STK3: variants seen among roughly 807,000 people sequenced by gnomAD.
STK3 encodes serine/threonine-protein kinase 3.
In STK3, 41 loss-of-function variants were observed where a neutral mutation model predicts 58.0. That is an observed-to-expected ratio of 0.71 (90% confidence interval 0.55 to 0.92). The LOEUF (loss-of-function observed/expected upper bound fraction) is 0.92, where lower values mean the gene tolerates loss of function less well. Among genes scored for constraint, STK3 ranks in the 40% least tolerant of loss-of-function variants. The probability of loss-of-function intolerance (pLI) is 0.00; values close to 1 mark genes in which losing one functional copy is unlikely to be tolerated. For synonymous variants in STK3, 170 were observed against 191.0 expected (o/e 0.89, Z 0.91); for missense variants, 479 against 602.7 (o/e 0.79, Z 2.15).
At chr8:98,919,603 G>C (rs780302802) in intron 1 of STK3, among the ~76,000 whole-genome samples, 2 of 152,060 alleles carry the variant, frequency 1.3e-5, no homozygotes, top group Non-Finnish European at 2.9e-5. Flanking sequence ...ACCGCTAAGA[G>C]CCCAAGAACT....
the STK3 span, among the ~76,000 whole-genome samples, chr8:98,351,528 A>G: frequency 1.3e-5 from 2 of 152,146 alleles, no homozygotes; most frequent in Non-Finnish European, 2.9e-5. Context: ...TGAGAATAGG[A>G]TTCTTGGCAT....
intron 3 of STK3, among the ~76,000 whole-genome samples, chr8:98,754,351 G>C (rs1164221447): frequency 6.6e-6 from 1 of 152,066 alleles, no homozygotes; most frequent in Admixed American, 6.6e-5. Context: ...GGCTGTGCAT[G>C]AGAGCCACCT....
intron 4 of STK3, among the ~76,000 whole-genome samples, chr8:98,742,622 A>G (rs1299654224): frequency 7.1e-6 from 1 of 141,742 alleles, no homozygotes; most frequent in African/African-American, 2.7e-5. Context: ...CACAGCCAAT[A>G]TCATACTGAA....
At chr8:98,537,467 A>G (rs957855053) in intron 9 of STK3, among the ~76,000 whole-genome samples, 3 of 152,148 alleles carry the variant, frequency 2.0e-5, no homozygotes, top group Admixed American at 1.3e-4. Context: ...TGGGACAGAG[A>G]GGATGATGTT....
rs1300893873 is a variant in STK3, at chr8:98,395,821, G to A, written n.428-7574C>T. Among the ~76,000 whole-genome samples, 3 of 152,288 alleles carry A rather than the reference G, an allele frequency of 2.0e-5. No homozygotes were observed. The Middle Eastern group carries it at 0.01, about 518-fold the overall frequency. On this transcript the variant is annotated intron_variant and non_coding_transcript_variant, in intron 3 of 5. Coordinates refer to the STK3 transcript ENST00000649151. ...AGAATAAAATAATTTGAAGTGCCTTGAATATCACAATGTTGCAAATATGCA... is the reference window on the plus strand; with the variant it reads ...AGAATAAAATAATTTGAAGTGCCTTAAATATCACAATGTTGCAAATATGCA...
At position 98,654,770 on chromosome 8, in the gene STK3, A is replaced by C. The variant is rs1487504237; in HGVS notation, c.684+51697T>G. 4.1e-3 allele frequency among the ~76,000 whole-genome samples: 631 copies of C among 152,156 alleles called. 3 individuals are homozygous for C. Among genetic ancestry groups the C allele is most frequent in the African/African-American group, 0.015 (607 of 41,478 alleles). ...GAGAATAAAATACCTAGGAATCCAA[A>C]TTAAAAGGGACGTGAAGGACCTCTT... On this transcript the variant is annotated intron_variant, in intron 6 of 10. Transcript: ENST00000419617.
rs146965242 is a variant in STK3 at position 98,744,730 on chromosome 8, A to G, written c.351+4546T>C. On this transcript the variant is annotated intron_variant, in intron 4 of 10. Transcript: ENST00000419617. ...ACATGTACCCTAAAACTTAAAGTAT[A>G]ATAATAATTAAAAAAAACATATTTC... Among the ~76,000 whole-genome samples the G allele has an allele frequency of 6.7e-3, 1,020 of 152,212 alleles. 7 individuals are homozygous for G. The highest frequency in any genetic ancestry group is 0.023 in the African/African-American group (957 of 41,520).
intron 3 of STK3, among the ~76,000 whole-genome samples, chr8:98,415,611 T>TTTC (rs1818106983): frequency 6.6e-6 from 1 of 152,230 alleles, no homozygotes; most frequent in Non-Finnish European, 1.5e-5. Context: ...TCTGACCCCT[T>TTTC]TTCTTCTGAG....
intron 10 of STK3, among the ~76,000 whole-genome samples, chr8:98,509,533 G>C (rs1824344752): frequency 6.6e-6 from 1 of 151,870 alleles, no homozygotes; most frequent in African/African-American, 2.4e-5. Flanking sequence ...GAATTACTTT[G>C]ACATTTAAAT....
chr8:98,482,803 C>G (rs1482585711), intron 10 of STK3, among the ~76,000 whole-genome samples: 2 of 152,040 alleles, frequency 1.3e-5, no homozygotes, highest in Admixed American at 1.3e-4. Flanking sequence ...TGCCGTATTT[C>G]TAAGGATAAC....
Position 98,800,659 on chromosome 8 carries a change from G to C in STK3, c.26+24856C>G, listed in dbSNP as rs1190183266. Reference sequence around the variant, plus strand: ...CAGCACGAGTTCCGGGTGGGTGTGGGCTTGATGGGCCCCGCACTCAGAGTG... The same window carrying C: ...CAGCACGAGTTCCGGGTGGGTGTGGCCTTGATGGGCCCCGCACTCAGAGTG... On this transcript the variant is annotated intron_variant, in intron 1 of 10. Coordinates refer to ENST00000419617, the MANE Select transcript of STK3 (RefSeq NM_006281.4). The surrounding 1 kb of genome is among the most constrained non-coding windows in gnomAD (Gnocchi z 4.8). Among the ~76,000 whole-genome samples the C allele has an allele frequency of 6.6e-6, 1 of 152,228 alleles. No individual in the cohort carries two copies. Among genetic ancestry groups the C allele is most frequent in the Non-Finnish European group, 1.5e-5 (1 of 68,032 alleles).
intron 6 of STK3, among the ~76,000 whole-genome samples, chr8:98,643,796 C>T (rs1382648681): frequency 6.6e-6 from 1 of 152,000 alleles, no homozygotes. Flanking sequence ...ATAGCTTGTG[C>T]CTAGAAGTTT....
chr8:98,461,241 T>C (rs1383599461), intron 10 of STK3, among the ~76,000 whole-genome samples: 2 of 152,092 alleles, frequency 1.3e-5, no homozygotes, highest in Non-Finnish European at 2.9e-5. Flanking sequence ...CATAATGTCA[T>C]TCTTTGTCTT....
rs564215021 is a variant in STK3 at position 98,563,040 on chromosome 8, TA to T, written c.949-14880del. ...GCAAAAAAAAAAAAAGTAACTGTAT[TA>T]AAAATATATTGAAACAAATTCACTG... On this transcript the variant is annotated intron_variant, in intron 8 of 10. Transcript: ENST00000419617. 3.8e-3 allele frequency among the ~76,000 whole-genome samples: 571 copies of T among 151,072 alleles called. 8 individuals are homozygous for T. Among genetic ancestry groups the T allele is most frequent in the Non-Finnish European group, 2.0e-3 (135 of 67,754 alleles).
chr8:98,366,621 C>T (rs142145063), downstream of STK3, among the ~76,000 whole-genome samples: 177 of 152,280 alleles, frequency 1.2e-3, 1 homozygote, highest in East Asian at 0.019. Context: ...TAATTTATAA[C>T]GCCTCCTTTA....
chr8:98,377,088 T>C (rs1449563764), intron 2 of STK3, among the ~76,000 whole-genome samples: 7 of 152,220 alleles, frequency 4.6e-5, no homozygotes, highest in Non-Finnish European at 1.0e-4. Context: ...TATCTGCTAA[T>C]GCTGTCATTT....
At chr8:98,528,081 AAC>A (rs1476823858) in intron 9 of STK3, among the ~76,000 whole-genome samples, 1 of 152,194 alleles carries the variant, frequency 6.6e-6, no homozygotes, top group African/African-American at 2.4e-5. Flanking sequence ...CAGTACAGTT[AAC>A]TATAACCCCT....
chr8:98,368,010 G>A (rs1337593856), downstream of STK3, among the ~76,000 whole-genome samples: 1 of 152,186 alleles, frequency 6.6e-6, no homozygotes, highest in Admixed American at 6.5e-5. Flanking sequence ...TCACATCTGC[G>A]CTGTGTCATT....
intron 3 of STK3, chr8:98,427,872 G>T (rs1295829118): frequency 7.8e-6 from 7 of 894,662 alleles, no homozygotes; most frequent in Non-Finnish European, 1.0e-5. Context: ...GCCAGTAATG[G>T]GTAGGGAGAG....
Sources: gnomAD v4.1 joint callset for allele counts (sites outside exome capture counted in the v4.1 genomes callset) on GRCh38, gnomAD v4.1.1 for gene constraint, Gnocchi (gnomAD v3.1) non-coding constraint, MANE v1.5 for transcripts, NCBI Gene and HGNC (gene_info 2026-07-23, HGNC 2026-07-21) for gene names.